The following SYT7 variants were observed in gnomAD, a reference collection of about 807,000 sequenced individuals.
SYT7 encodes the protein synaptotagmin-7.
Under a neutral mutation model 75.1 loss-of-function variants are expected in SYT7, and 29 were observed. The observed-to-expected ratio is 0.39, with a 90% confidence interval of 0.29 to 0.53. The LOEUF is 0.53. Ranked by LOEUF, SYT7 falls within the 20% of genes least tolerant of loss-of-function variation. SYT7 has a pLI of 0.77. For synonymous variants in SYT7, 376 were observed against 401.7 expected (o/e 0.94, Z 0.76); for missense variants, 693 against 953.2 (o/e 0.73, Z 3.59).
chr11:61,520,599 C>A (rs993078909), intron 12 of SYT7, among the ~76,000 whole-genome samples: 2 of 151,172 alleles, frequency 1.3e-5, no homozygotes, highest in East Asian at 3.9e-4. Flanking sequence ...CCAAGGCGGG[C>A]GGATTGCTTG....
chr11:61,541,384 G>A (rs1479768678), intron 6 of SYT7: 3 of 789,804 alleles, frequency 3.8e-6, no homozygotes, highest in South Asian at 1.2e-4. Context: ...AGAGTGGGGG[G>A]CAGATGTCCA....
chr11:61,554,649 G>GCTCAGCCACTCCCCCAGC (rs1241988177), intron 2 of SYT7, among the ~76,000 whole-genome samples: 2 of 152,112 alleles, frequency 1.3e-5, no homozygotes, highest in African/African-American at 2.4e-5. Flanking sequence ...CTGCAGGTAC[G>GCTCAGCCACTCCCCCAGC]CTCAGCCACT....
In SYT7 at chr11:61,523,049, C is replaced by A; in HGVS notation, c.1956+26G>T. 2 of 1,612,044 alleles carry A rather than the reference C, an allele frequency of 1.2e-6. No individual in the cohort carries two copies. The highest frequency in any genetic ancestry group is 1.1e-5 in the South Asian group (1 of 91,006). ...GGAGCCTCACTGGTGCCAGCAGGTGCACCACACCACCTGCCTCGCCCCTAC... is the reference window on the plus strand; with the variant it reads ...GGAGCCTCACTGGTGCCAGCAGGTGAACCACACCACCTGCCTCGCCCCTAC... On this transcript the variant is annotated intron_variant, in intron 12 of 12. Coordinates refer to ENST00000539008, the MANE Select transcript of SYT7 (RefSeq NM_001365809.2). The surrounding 1 kb of genome is among the most constrained non-coding windows in gnomAD (Gnocchi z 5.0).
rs1034450526 is a variant in SYT7 at position 61,523,127 on chromosome 11, A to G, written c.1904T>C (p.Ile635Thr). 6.2e-7 allele frequency: 1 copy of G among 1,614,048 alleles called. No individual in the cohort carries two copies. The highest frequency in any genetic ancestry group is 1.3e-5 in the African/African-American group (1 of 74,934). The change falls in exon 12 of 13, where the codon ATC becomes ACC. Residue 635 changes from isoleucine (I) to threonine (T), a missense_variant. Physicochemically the swap from Ile to Thr is moderately conservative, Grantham distance 89. Around this residue, in one of 2 missense-constraint regions of SYT7, gnomAD observed 206 missense variants for 360.0 expected, o/e 0.57. Coordinates refer to ENST00000539008, the MANE Select transcript of SYT7 (RefSeq NM_001365809.2). The surrounding 1 kb of genome is among the most constrained non-coding windows in gnomAD (Gnocchi z 5.0). ...CTTGTCCTTGTCCATGACAGTGATG[A>G]TGATGGTCGTCTCCCTCAGCTTCTC... ...PTEKLRETTI[I>T]ITVMDKDKLS... is the part of the protein sequence containing the mutation.
intron 1 of SYT7, among the ~76,000 whole-genome samples, chr11:61,578,238 C>T (rs761036204): frequency 3.3e-5 from 5 of 152,194 alleles, no homozygotes; most frequent in African/African-American, 7.2e-5. Context: ...GAGAGAACCA[C>T]ACCTGTCAGG....
At chr11:61,533,322 C>T (rs1250778621) in intron 7 of SYT7, 198 bp from the exon 8 acceptor site, 3 of 985,318 alleles carry the variant, frequency 3.0e-6, no homozygotes, top group Non-Finnish European at 3.6e-6. Flanking sequence ...CTCCTTGCAG[C>T]CTCTACCCCA....
upstream of SYT7, among the ~76,000 whole-genome samples, chr11:61,585,793 G>A (rs576852343): frequency 1.3e-5 from 2 of 152,188 alleles, no homozygotes; most frequent in South Asian, 2.1e-4. Context: ...TAAAAGACAG[G>A]GTTTGGACCC....
At chr11:61,525,493 A>C (rs1590830061) in intron 9 of SYT7, among the ~76,000 whole-genome samples, 1 of 149,480 alleles carries the variant, frequency 6.7e-6, no homozygotes, top group African/African-American at 2.5e-5. Flanking sequence ...CCCCATCATG[A>C]CCCCCCTCCT....
At chr11:61,560,810 G>A (rs927294487) in intron 1 of SYT7, among the ~76,000 whole-genome samples, 3 of 152,150 alleles carry the variant, frequency 2.0e-5, no homozygotes, top group African/African-American at 7.2e-5. Context: ...AAGCCCATGG[G>A]CAGCCCTGTT....
intron 6 of SYT7, 48 bp from the exon 7 acceptor site, chr11:61,538,314 C>G: frequency 7.7e-7 from 1 of 1,307,154 alleles, no homozygotes; most frequent in Non-Finnish European, 9.9e-7. Flanking sequence ...GAGGAGGCCC[C>G]GTGGGCGGGG....
Position 61,523,289 on chromosome 11 carries a change from G to C in SYT7, c.1757-15C>G, listed in dbSNP as rs531421439. On this transcript the variant is annotated splice_polypyrimidine_tract_variant and intron_variant, in intron 11 of 12. Transcript: ENST00000539008. This position sits in a 1 kb window ranked among gnomAD's most constrained non-coding sequence, Gnocchi z 5.0. Reference sequence around the variant, plus strand: ...CACGTAGGGGTCTAGGGGAGGGAGTGGGGAAGGGTTAGAGGGACCGTGGGG... The same window carrying C: ...CACGTAGGGGTCTAGGGGAGGGAGTCGGGAAGGGTTAGAGGGACCGTGGGG... 3 of 1,613,552 alleles carry C rather than the reference G, an allele frequency of 1.9e-6. No individual in the cohort carries two copies. The South Asian group carries it at 3.3e-5, about 18-fold the overall frequency.
chr11:61,538,389 A>AGAC, intron 6 of SYT7, 123 bp from the exon 7 acceptor site: 11 of 267,952 alleles, frequency 4.1e-5, no homozygotes, highest in South Asian at 1.2e-4. Flanking sequence ...GAGAGAGAGA[A>AGAC]AGAGAGAGAG....
chr11:61,514,585 C>A lies in SYT7; in HGVS notation c.*4042G>T, dbSNP rs1441804962. 6.6e-6 allele frequency among the ~76,000 whole-genome samples: 1 copy of A among 152,126 alleles called. No homozygotes were observed. The highest frequency in any genetic ancestry group is 1.5e-5 in the Non-Finnish European group (1 of 68,018). ...TACCCTGAGAGCTGCGGGGGCTCAG[C>A]TTCCCCTGGGCTGGGTGGGGAAGAA... On this transcript the variant is annotated 3_prime_UTR_variant, in exon 13 of 13. Coordinates refer to ENST00000539008, the MANE Select transcript of SYT7 (RefSeq NM_001365809.2).
intron 8 of SYT7, among the ~76,000 whole-genome samples, chr11:61,529,620 G>A (rs1022275422): frequency 3.3e-5 from 5 of 152,154 alleles, no homozygotes; most frequent in Non-Finnish European, 7.3e-5. Flanking sequence ...GAAAAGCGTC[G>A]GAATCACCCT....
chr11:61,552,320 C>T (rs916203548), intron 2 of SYT7, among the ~76,000 whole-genome samples: 4 of 152,234 alleles, frequency 2.6e-5, no homozygotes, highest in African/African-American at 9.6e-5. Context: ...TCCTCACACG[C>T]ACCCATGGGC....
At chr11:61,520,133 G>GGGCAAACTGGTCTCACA (rs1565159957) in intron 12 of SYT7, among the ~76,000 whole-genome samples, 71 of 147,846 alleles carry the variant, frequency 4.8e-4, no homozygotes, top group Admixed American at 7.3e-4. Context: ...CTCGTGATCT[G>GGGCAAACTGGTCTCACA]CCCGCCTTGG....
rs1010790550 is a variant in SYT7 at position 61,551,843 on chromosome 11, G to A, written c.136-380C>T. Among the ~76,000 whole-genome samples, 16 of 152,128 alleles carry A rather than the reference G, an allele frequency of 1.1e-4. No individual in the cohort carries two copies. Among genetic ancestry groups the A allele is most frequent in the African/African-American group, 3.9e-4 (16 of 41,436 alleles). ...GCCACGTCACACTGTCCACGTCACC[G>A]CCCCCAGATGGTGGGGGTGGCATCC... On this transcript the variant is annotated intron_variant, in intron 2 of 12. Coordinates refer to ENST00000539008, the MANE Select transcript of SYT7 (RefSeq NM_001365809.2). This position sits in a 1 kb window ranked among gnomAD's most constrained non-coding sequence, Gnocchi z 5.3.
At chr11:61,519,481 G>C (rs1382372989) in intron 12 of SYT7, among the ~76,000 whole-genome samples, 1 of 152,210 alleles carries the variant, frequency 6.6e-6, no homozygotes, top group Non-Finnish European at 1.5e-5. Context: ...TATTCCTTAA[G>C]ACCGTTAAGA....
chr11:61,559,748 T>C (rs2063591063), intron 1 of SYT7, among the ~76,000 whole-genome samples: 2 of 152,130 alleles, frequency 1.3e-5, no homozygotes, highest in Non-Finnish European at 2.9e-5. Context: ...CCTCAACCCC[T>C]GCTGCAGGTC....
Sources: allele counts gnomAD v4.1 joint callset (sites outside exome capture counted in the v4.1 genomes callset), GRCh38; gene constraint gnomAD v4.1.1; regional missense constraint gnomAD v4.1.1; non-coding constraint Gnocchi (gnomAD v3.1); transcripts MANE v1.5; gene names NCBI Gene and HGNC (gene_info 2026-07-23, HGNC 2026-07-21).